The following GLB1L2 variants were observed in gnomAD, a reference collection of about 807,000 sequenced individuals.
The protein encoded by GLB1L2 is beta-galactosidase-1-like protein 2.
GLB1L2 carries 68 observed loss-of-function variants against 84.1 expected under a neutral mutation model. The observed-to-expected ratio is 0.81, with a 90% CI of 0.67 to 0.99. The LOEUF is 0.99. Ranked by LOEUF, GLB1L2 falls within the 50% of genes least tolerant of loss-of-function variation. GLB1L2 has a pLI of 0.00. For missense variants in GLB1L2, 762 were observed against 805.6 expected (o/e 0.95, Z 0.66); for synonymous variants, 290 against 318.0 (o/e 0.91, Z 0.94).
rs1397222359 is a variant in GLB1L2, at chr11:134,340,424, AG to A, written c.87-2325del. On this transcript the variant is annotated intron_variant, in intron 1 of 18. Transcript: ENST00000535456. ...CCCAGCATGTGCCTCTGAGGGAACC[AG>A]GGGGAGAACCTGTGTTGCGGCGGGC... Among the ~76,000 whole-genome samples, 4 of 152,164 alleles carry A rather than the reference AG, an allele frequency of 2.6e-5. No individual in the cohort carries two copies. The East Asian group carries it at 7.7e-4, about 29-fold the overall frequency.
intron 2 of GLB1L2, among the ~76,000 whole-genome samples, chr11:134,343,879 G>A (rs556095364): frequency 9.8e-5 from 15 of 152,342 alleles, no homozygotes; most frequent in African/African-American, 3.4e-4. Context: ...GGGTGGGGCC[G>A]GGAGAAGAGC....
At chr11:134,345,603 T>C (rs1339799839) in intron 4 of GLB1L2, among the ~76,000 whole-genome samples, 1 of 152,186 alleles carries the variant, frequency 6.6e-6, no homozygotes, top group Admixed American at 6.5e-5. Context: ...CCCGAGTAGC[T>C]AGGGTTACAG....
At position 134,338,972 on chromosome 11, in the gene GLB1L2, T is replaced by C. The variant is rs1468973112; in HGVS notation, c.87-3782T>C. On this transcript the variant is annotated intron_variant, in intron 1 of 18. Transcript: ENST00000535456. The surrounding 1 kb of genome is among the most constrained non-coding windows in gnomAD (Gnocchi z 6.2). ...TCAGGGTTTGCTGTCCGGACTCTTC[T>C]AAGGTGGAAAAATCGCTTTGGATAA... Among the ~76,000 whole-genome samples, 3 of 152,144 alleles carry C rather than the reference T, an allele frequency of 2.0e-5. No individual in the cohort carries two copies. The highest frequency in any genetic ancestry group is 4.8e-5 in the African/African-American group (2 of 41,420).
rs1414978366 is a variant in GLB1L2, at chr11:134,339,930, C to G, written c.87-2824C>G. On this transcript the variant is annotated intron_variant, in intron 1 of 18. Coordinates refer to ENST00000535456, the MANE Select transcript of GLB1L2 (RefSeq NM_001370461.1). The surrounding 1 kb of genome is among the most constrained non-coding windows in gnomAD (Gnocchi z 5.7). Reference sequence around the variant, plus strand: ...AGGCGGCTGTGACCCTGAGGGAGTTCAGAGGTGTGGCTGTCTATAGACCAC... The same window carrying G: ...AGGCGGCTGTGACCCTGAGGGAGTTGAGAGGTGTGGCTGTCTATAGACCAC... Among the ~76,000 whole-genome samples, 1 of 152,146 alleles carries G rather than the reference C, an allele frequency of 6.6e-6. No homozygotes were observed. The highest frequency in any genetic ancestry group is 1.5e-5 in the Non-Finnish European group (1 of 68,028).
At chr11:134,367,637 A>T (rs1943883107) in intron 9 of GLB1L2, among the ~76,000 whole-genome samples, 2 of 152,236 alleles carry the variant, frequency 1.3e-5, no homozygotes, top group Non-Finnish European at 2.9e-5. Context: ...CAGAGCACAG[A>T]GAAAACACTT....
chr11:134,342,553 G>T (rs918604787), intron 1 of GLB1L2, among the ~76,000 whole-genome samples: 2 of 152,196 alleles, frequency 1.3e-5, no homozygotes, highest in African/African-American at 4.8e-5. Context: ...TGCAGCCTCG[G>T]CCTGCCCTTC....
chr11:134,333,134 GA>G (rs1422076565), intron 1 of GLB1L2, among the ~76,000 whole-genome samples: 1 of 152,304 alleles, frequency 6.6e-6, no homozygotes, highest in Non-Finnish European at 1.5e-5. Context: ...TTTGTGGCCA[GA>G]AGAACACACT....
intron 7 of GLB1L2, chr11:134,360,612 G>A (rs949713814): frequency 6.6e-6 from 1 of 151,958 alleles, no homozygotes; most frequent in African/African-American, 2.4e-5. Context: ...CCCACCTCCA[G>A]GCACCCACCT....
chr11:134,351,865 C>T (rs1028017440), intron 5 of GLB1L2, among the ~76,000 whole-genome samples: 3 of 151,986 alleles, frequency 2.0e-5, no homozygotes, highest in Non-Finnish European at 2.9e-5. Flanking sequence ...CTTTTTTTGA[C>T]ACTTCTATAT....
At chr11:134,337,262 T>A (rs1165267070) in intron 1 of GLB1L2, among the ~76,000 whole-genome samples, 2 of 152,242 alleles carry the variant, frequency 1.3e-5, no homozygotes, top group African/African-American at 4.8e-5. Flanking sequence ...CTCACATCTC[T>A]GCAAGATGCA....
At chr11:134,342,272 T>C (rs975040067) in intron 1 of GLB1L2, among the ~76,000 whole-genome samples, 22 of 152,140 alleles carry the variant, frequency 1.4e-4, no homozygotes, top group South Asian at 8.3e-4. Flanking sequence ...AATGAAGACC[T>C]GGAATCGGGT....
chr11:134,373,363 G>A (rs1943981879), intron 15 of GLB1L2, among the ~76,000 whole-genome samples: 1 of 152,128 alleles, frequency 6.6e-6, no homozygotes, highest in South Asian at 2.1e-4. Context: ...GTGTAGCTTG[G>A]GCCCCACTGA....
At chr11:134,349,142 C>A (rs1047198162) in intron 5 of GLB1L2, among the ~76,000 whole-genome samples, 4 of 152,216 alleles carry the variant, frequency 2.6e-5, no homozygotes, top group Non-Finnish European at 5.9e-5. Context: ...GACAGCCATT[C>A]TACTCTCTGT....
rs1300313453 is a variant in GLB1L2, at chr11:134,342,857, T to A, written c.190T>A (p.Phe64Ile). 1 of 1,614,016 alleles carries A rather than the reference T, an allele frequency of 6.2e-7. No individual in the cohort carries two copies. Among genetic ancestry groups the A allele is most frequent in the South Asian group, 1.1e-5 (1 of 91,066 alleles). The change falls in exon 2 of 19, where the codon TTC (phenylalanine) becomes ATC (isoleucine). Residue 64 changes from phenylalanine (F) to isoleucine (I), a missense_variant. Physicochemically the swap from Phe to Ile is conservative, Grantham distance 21. This residue lies in a region of GLB1L2 where 100 missense variants were observed against 88.8 expected (regional missense o/e 1.13). Coordinates refer to ENST00000535456, the MANE Select transcript of GLB1L2 (RefSeq NM_001370461.1). ...FMLEDSTFWI[F>I]GGSIHYFRVP... ...GCTGGAGGATTCCACCTTCTGGATC[T>A]TCGGGGGCTCCATCCACTATTTCCG...
intron 1 of GLB1L2, among the ~76,000 whole-genome samples, chr11:134,341,860 G>T (rs1036751038): frequency 6.6e-6 from 1 of 152,056 alleles, no homozygotes; most frequent in Admixed American, 6.5e-5. Context: ...CTTGTGCAGT[G>T]GGGCCCGGCT....
chr11:134,349,756 T>C (rs56751662), intron 5 of GLB1L2, among the ~76,000 whole-genome samples: 3,665 of 152,334 alleles, frequency 0.024, 151 homozygotes, highest in African/African-American at 0.082. Context: ...TCAAGTCTTC[T>C]GCTCATTTTT....
chr11:134,374,999 G>C lies in GLB1L2; in HGVS notation c.1852G>C (p.Gly618Arg). Residue 618 changes from glycine (G) to arginine (R), a missense_variant, in exon 19 of 19, where the codon GGC (glycine) becomes CGC (arginine). By Grantham distance (125) the Gly-to-Arg change is moderately radical. Transcript: ENST00000535456. ...QVIVFEETMA[G>R]PALQFTETPH... ...CATCGTTTTTGAGGAGACGATGGCG[G>C]GCCCTGCATTACAGTTCACGGAAAC... The C allele has an allele frequency of 6.2e-7, 1 of 1,613,864 alleles. No homozygotes were observed. Among genetic ancestry groups the C allele is most frequent in the Non-Finnish European group, 8.5e-7 (1 of 1,179,972 alleles).
chr11:134,358,704 G>A (rs1591619058), intron 6 of GLB1L2, among the ~76,000 whole-genome samples: 4 of 152,382 alleles, frequency 2.6e-5, no homozygotes, highest in African/African-American at 9.6e-5. Context: ...ACTCGCTGGA[G>A]CCCAGCAGAC....
chr11:134,364,628 A>C (rs1943841919), intron 8 of GLB1L2: 2 of 520,746 alleles, frequency 3.8e-6, no homozygotes, highest in South Asian at 5.4e-5. Flanking sequence ...CTGCCCTGAG[A>C]GAGGGGCCCT....
Sources: allele counts gnomAD v4.1 joint callset (sites outside exome capture counted in the v4.1 genomes callset), GRCh38; gene constraint gnomAD v4.1.1; regional missense constraint gnomAD v4.1.1; non-coding constraint Gnocchi (gnomAD v3.1); transcripts MANE v1.5; gene names NCBI Gene and HGNC (gene_info 2026-07-23, HGNC 2026-07-21).